SORT1: variants seen among roughly 807,000 people sequenced by gnomAD.
SORT1 encodes sortilin.
A neutral mutation model predicts 101.7 loss-of-function variants in SORT1; 39 were observed. The observed-to-expected ratio is 0.38, with a 90% confidence interval of 0.30 to 0.50. The LOEUF (loss-of-function observed/expected upper bound fraction) is 0.50, where lower values mean the gene tolerates loss of function less well. Among genes scored for constraint, SORT1 ranks in the 20% least tolerant of loss-of-function variants. SORT1 has a pLI of 0.90. For synonymous variants in SORT1, 396 were observed against 393.7 expected (o/e 1.01, Z -0.07); for missense variants, 878 against 1,040.4 (o/e 0.84, Z 2.15).
intron 3 of SORT1, among the ~76,000 whole-genome samples, chr1:109,358,085 C>G (rs1030522): frequency 0.65 from 98,159 of 152,008 alleles, 33,559 homozygotes; most frequent in East Asian, 0.96. Flanking sequence ...CTTGGCACAA[C>G]AAACACATCC....
At chr1:109,397,344 A>T (rs1208137286) in intron 1 of SORT1, 1 of 142,440 alleles carries the variant, frequency 7.0e-6, no homozygotes, top group Non-Finnish European at 1.5e-5. Flanking sequence ...TTGACAACTT[A>T]AAAAAAAAAA....
rs1441410675 is a variant in SORT1, at chr1:109,397,862, G to A, written c.31C>T (p.Leu11Phe). The change falls in exon 1 of 20, where the codon CTC becomes TTC. Residue 11 changes from leucine to phenylalanine, a missense_variant. By Grantham distance (22) the Leu-to-Phe change is conservative. Around this residue, in one of 2 missense-constraint regions of SORT1, gnomAD observed 194 missense variants for 145.9 expected, o/e 1.33. Transcript: ENST00000256637. MERPWGAADG[L>F]SRWPHGLGLL... The stretch of plus-strand genomic sequence containing the variant: ...CCGAGGCCATGGGGCCAGCGCGAGA[G>A]GCCGTCCGCAGCTCCCCAGGGCCGC... 1 of 1,278,010 alleles carries A rather than the reference G, an allele frequency of 7.8e-7. No homozygotes were observed. Among genetic ancestry groups the A allele is most frequent in the East Asian group, 4.0e-5 (1 of 24,794 alleles). 79.2% of individuals were successfully genotyped at this position (1,278,010 alleles called of 1,614,324 possible).
chr1:109,379,621 G>A (rs998275664), intron 1 of SORT1, among the ~76,000 whole-genome samples: 1 of 152,214 alleles, frequency 6.6e-6, no homozygotes, highest in Non-Finnish European at 1.5e-5. Context: ...CCTACCCTAG[G>A]ATAGGAAGCA....
At chr1:109,378,734 ATATATATATATATATATATATATATAT>A (rs1652027534) in intron 1 of SORT1, among the ~76,000 whole-genome samples, 8 of 108,804 alleles carry the variant, frequency 7.4e-5, no homozygotes, top group African/African-American at 2.5e-4. Flanking sequence ...ATATATATAT[ATATATATATATATATATATATATATAT>A]AAAGATGTTA....
chr1:109,381,135 G>A (rs867127950), intron 1 of SORT1, among the ~76,000 whole-genome samples: 1 of 152,140 alleles, frequency 6.6e-6, no homozygotes, highest in South Asian at 2.1e-4. Context: ...TCCGTATCAT[G>A]TGCCTGAGCA....
rs567949590 is a variant in SORT1, at chr1:109,383,634, A to G, written c.306+13953T>C. On this transcript the variant is annotated intron_variant, in intron 1 of 19. Transcript: ENST00000256637. ...ATCCCATACAGACTGCCCATCTAGG[A>G]TTAGGCTTCCAAACTCCAGTGAGGC... is the stretch of plus-strand genomic sequence containing the variant. Among the ~76,000 whole-genome samples, 400 of 152,314 alleles carry G rather than the reference A, an allele frequency of 2.6e-3. 6 individuals carry two copies. The highest frequency in any genetic ancestry group is 9.1e-3 in the African/African-American group (379 of 41,564).
At chr1:109,376,229 G>C in intron 1 of SORT1, among the ~76,000 whole-genome samples, 1 of 151,574 alleles carries the variant, frequency 6.6e-6, no homozygotes, top group East Asian at 1.9e-4. Flanking sequence ...ACTCGGAGAG[G>C]CTGAGGCAGG....
At chr1:109,378,823 A>C (rs1239104601) in intron 1 of SORT1, among the ~76,000 whole-genome samples, 1 of 142,804 alleles carries the variant, frequency 7.0e-6, no homozygotes, top group African/African-American at 2.6e-5. Flanking sequence ...GGAGAAGTGA[A>C]GCATGTTTTG....
chr1:109,322,390 C>T (rs1321568782), intron 15 of SORT1, among the ~76,000 whole-genome samples: 1 of 152,174 alleles, frequency 6.6e-6, no homozygotes, highest in African/African-American at 2.4e-5. Flanking sequence ...CTCAGGATTT[C>T]TCGGGTTTGT....
At chr1:109,380,563 G>A (rs1348094325) in intron 1 of SORT1, among the ~76,000 whole-genome samples, 1 of 151,964 alleles carries the variant, frequency 6.6e-6, no homozygotes, top group African/African-American at 2.4e-5. Flanking sequence ...TTTCAAATCA[G>A]TAGGAAACAG....
intron 3 of SORT1, among the ~76,000 whole-genome samples, chr1:109,363,601 CAG>C (rs1553197543): frequency 1.3e-5 from 2 of 152,174 alleles, no homozygotes; most frequent in Non-Finnish European, 2.9e-5. Flanking sequence ...TGTATATCAA[CAG>C]AGACAACTTC....
At chr1:109,332,012 C>T (rs1454114136) in intron 11 of SORT1, among the ~76,000 whole-genome samples, 2 of 129,532 alleles carry the variant, frequency 1.5e-5, no homozygotes, top group African/African-American at 2.9e-5. Context: ...AACTACAAAA[C>T]ATTGATGAAA....
At chr1:109,376,113 C>T (rs921047568) in intron 1 of SORT1, among the ~76,000 whole-genome samples, 6 of 152,010 alleles carry the variant, frequency 3.9e-5, no homozygotes, top group Non-Finnish European at 7.4e-5. Flanking sequence ...GAGGCCGAGG[C>T]GGGCGGATCA....
At chr1:109,314,535 T>A in intron 18 of SORT1, 137 bp downstream of exon 18, 1 of 1,163,498 alleles carries the variant, frequency 8.6e-7, no homozygotes, top group Non-Finnish European at 1.2e-6. Context: ...ATGTACGACA[T>A]GAGAAGATTT....
At chr1:109,397,040 T>C (rs1028806785) in intron 1 of SORT1, among the ~76,000 whole-genome samples, 1 of 152,224 alleles carries the variant, frequency 6.6e-6, no homozygotes, top group Non-Finnish European at 1.5e-5. Context: ...TTCCGTACCA[T>C]GACAGAAGGT....
intron 1 of SORT1, among the ~76,000 whole-genome samples, chr1:109,393,895 G>A (rs957519769): frequency 6.6e-5 from 10 of 151,244 alleles, no homozygotes; most frequent in African/African-American, 1.9e-4. Flanking sequence ...ATACATATAC[G>A]TATATATTAT....
At chr1:109,372,644 C>T (rs571207040) in intron 1 of SORT1, among the ~76,000 whole-genome samples, 1 of 152,160 alleles carries the variant, frequency 6.6e-6, no homozygotes, top group East Asian at 1.9e-4. Flanking sequence ...ATGGGCCGGG[C>T]GCGGTGGCTC....
chr1:109,319,613 T>C (rs1439855084), intron 15 of SORT1, among the ~76,000 whole-genome samples: 1 of 152,190 alleles, frequency 6.6e-6, no homozygotes, highest in Non-Finnish European at 1.5e-5. Context: ...ATGCCTATAA[T>C]CCTAGCACTT....
intron 3 of SORT1, among the ~76,000 whole-genome samples, chr1:109,364,623 C>T (rs749185807): frequency 2.0e-5 from 3 of 152,164 alleles, no homozygotes; most frequent in Non-Finnish European, 2.9e-5. Context: ...GGATGTAGGT[C>T]ATAATGCCAG....
Sources: gnomAD v4.1 joint callset for allele counts (sites outside exome capture counted in the v4.1 genomes callset) on GRCh38, gnomAD v4.1.1 for gene constraint, gnomAD v4.1.1 regional missense constraint, MANE v1.5 for transcripts, NCBI Gene and HGNC (gene_info 2026-07-23, HGNC 2026-07-21) for gene names.